The following MED27 variants were observed in gnomAD, a reference collection of about 807,000 sequenced individuals.
MED27 encodes the protein mediator complex subunit 27.
A neutral mutation model predicts 38.2 loss-of-function variants in MED27; 30 were observed. The ratio of observed to expected loss-of-function variants is 0.79; its 90% CI spans 0.59 to 1.07. The LOEUF is 1.07. Among genes scored for constraint, MED27 ranks in the 50% least tolerant of loss-of-function variants. The probability of loss-of-function intolerance (pLI) is 0.00; values close to 1 mark genes in which losing one functional copy is unlikely to be tolerated. For missense variants in MED27, 289 were observed against 397.5 expected, an observed-to-expected ratio of 0.73 and a Z score of 2.32; for synonymous variants, 122 against 153.5, an observed-to-expected ratio of 0.79 and a Z score of 1.52.
At chr9:132,019,616 A>G (rs1832677070) in intron 2 of MED27, among the ~76,000 whole-genome samples, 1 of 152,164 alleles carries the variant, frequency 6.6e-6, no homozygotes, top group African/African-American at 2.4e-5. Context: ...CTTCCCCCCT[A>G]CCCACAACCC....
intron 2 of MED27, among the ~76,000 whole-genome samples, chr9:132,050,674 T>C (rs1833445690): frequency 6.6e-6 from 1 of 152,202 alleles, no homozygotes; most frequent in Admixed American, 6.5e-5. Flanking sequence ...TTTCCTCTGC[T>C]GGAAGGCGCT....
At chr9:131,901,359 A>G (rs180810672) in intron 4 of MED27, among the ~76,000 whole-genome samples, 54 of 152,306 alleles carry the variant, frequency 3.5e-4, no homozygotes, top group African/African-American at 1.3e-3. Flanking sequence ...AAGGATATAA[A>G]CAATCATTTT....
At chr9:132,072,041 C>A (rs1300130929) in intron 2 of MED27, among the ~76,000 whole-genome samples, 1 of 151,970 alleles carries the variant, frequency 6.6e-6, no homozygotes, top group Non-Finnish European at 1.5e-5. Flanking sequence ...ACCCCGTGAA[C>A]GAGCACACAG....
At chr9:132,041,752 C>T (rs1420173898) in intron 2 of MED27, among the ~76,000 whole-genome samples, 3 of 152,166 alleles carry the variant, frequency 2.0e-5, no homozygotes, top group African/African-American at 4.8e-5. Flanking sequence ...CAAATCAGTA[C>T]GGTATGGCAA....
chr9:132,018,213 T>G (rs1832645199), intron 2 of MED27, among the ~76,000 whole-genome samples: 1 of 152,206 alleles, frequency 6.6e-6, no homozygotes, highest in Admixed American at 6.5e-5. Flanking sequence ...CCCTACAACA[T>G]TAATACAAGA....
chr9:131,878,713 G>A (rs987267865), intron 6 of MED27, among the ~76,000 whole-genome samples: 1 of 152,156 alleles, frequency 6.6e-6, no homozygotes, highest in Non-Finnish European at 1.5e-5. Context: ...AAATGAGGGG[G>A]TTAAAGAACA....
chr9:132,005,556 T>C (rs2131064055), intron 3 of MED27, among the ~76,000 whole-genome samples: 1 of 152,358 alleles, frequency 6.6e-6, no homozygotes, highest in South Asian at 2.1e-4. Context: ...TCCTAGTTCC[T>C]ACCAATCTTT....
At chr9:131,898,462 G>A (rs771018008) in intron 4 of MED27, among the ~76,000 whole-genome samples, 1 of 151,700 alleles carries the variant, frequency 6.6e-6, no homozygotes, top group Non-Finnish European at 1.5e-5. Flanking sequence ...TGATCCACCC[G>A]CCCTCGGCCT....
chr9:131,996,484 C>T (rs1832093397), intron 3 of MED27, among the ~76,000 whole-genome samples: 1 of 152,164 alleles, frequency 6.6e-6, no homozygotes, highest in Non-Finnish European at 1.5e-5. Context: ...TGATCTTGAT[C>T]CCACGAAGCT....
In MED27 at chr9:132,019,711, G is replaced by A. The variant is rs186974404; in HGVS notation, c.349-5244C>T. Among the ~76,000 whole-genome samples, 395 of 152,330 alleles carry A rather than the reference G, an allele frequency of 2.6e-3. 2 individuals carry two copies. Among genetic ancestry groups the A allele is most frequent in the South Asian group, 0.014 (68 of 4,824 alleles). On this transcript the variant is annotated intron_variant, in intron 2 of 7. Transcript: ENST00000292035. ...TCGCAGGAGGACGGTGGGCCATACA[G>A]GGTTTGCCTTAATAGCTCTGTCCCG...
At chr9:131,934,471 CA>C (rs1197639277) in intron 4 of MED27, among the ~76,000 whole-genome samples, 1 of 151,892 alleles carries the variant, frequency 6.6e-6, no homozygotes, top group Non-Finnish European at 1.5e-5. Context: ...AAAAAATAGG[CA>C]AAAGATCCGA....
intron 4 of MED27, among the ~76,000 whole-genome samples, chr9:131,898,459 C>T (rs968568352): frequency 6.6e-6 from 1 of 152,188 alleles, no homozygotes; most frequent in South Asian, 2.1e-4. Context: ...AGGTGATCCA[C>T]CCGCCCTCGG....
chr9:131,900,607 C>G (rs1407962307), intron 4 of MED27, among the ~76,000 whole-genome samples: 1 of 151,942 alleles, frequency 6.6e-6, no homozygotes, highest in African/African-American at 2.4e-5. Flanking sequence ...GGGAGGTGAG[C>G]TGACCAAAAA....
At chr9:131,974,795 T>C (rs965055336) in intron 3 of MED27, among the ~76,000 whole-genome samples, 15 of 152,240 alleles carry the variant, frequency 9.9e-5, no homozygotes, top group African/African-American at 3.6e-4. Flanking sequence ...GGATGTGCTC[T>C]TGTCACTCCA....
chr9:132,042,538 T>A (rs1833241880), intron 2 of MED27, among the ~76,000 whole-genome samples: 1 of 152,088 alleles, frequency 6.6e-6, no homozygotes, highest in South Asian at 2.1e-4. Flanking sequence ...TTCCTGCCCC[T>A]CCTTTATCCA....
intron 6 of MED27, among the ~76,000 whole-genome samples, chr9:131,867,424 T>C (rs1021063252): frequency 4.6e-5 from 7 of 152,134 alleles, no homozygotes; most frequent in African/African-American, 1.7e-4. Flanking sequence ...TGAGCTTGAG[T>C]TGTGCAGAAC....
At chr9:132,017,445 C>T (rs562074731) in intron 2 of MED27, among the ~76,000 whole-genome samples, 47 of 152,298 alleles carry the variant, frequency 3.1e-4, no homozygotes, top group African/African-American at 1.0e-3. Context: ...CAAATGTCTG[C>T]AGCATGGAAA....
At chr9:132,068,133 A>T (rs1489029561) in intron 2 of MED27, among the ~76,000 whole-genome samples, 1 of 152,168 alleles carries the variant, frequency 6.6e-6, no homozygotes, top group Non-Finnish European at 1.5e-5. Context: ...CATGACGACA[A>T]CAACGGGCCT....
At chr9:131,901,522 A>C (rs1258980643) in intron 4 of MED27, among the ~76,000 whole-genome samples, 1 of 152,142 alleles carries the variant, frequency 6.6e-6, no homozygotes, top group Non-Finnish European at 1.5e-5. Context: ...GGAGCTCACA[A>C]TGTGCTTGAG....
Sources: allele counts gnomAD v4.1 joint callset (sites outside exome capture counted in the v4.1 genomes callset), GRCh38; gene constraint gnomAD v4.1.1; transcripts MANE v1.5; gene names NCBI Gene and HGNC (gene_info 2026-07-23, HGNC 2026-07-21).